The following UBE2N variants were observed in gnomAD, a reference collection of about 807,000 sequenced individuals.
UBE2N encodes ubiquitin-conjugating enzyme E2 N.
For synonymous variants in UBE2N, 70 were observed against 69.2 expected, an observed-to-expected ratio of 1.01 and a Z score of -0.06; for missense variants, 60 against 192.1, an observed-to-expected ratio of 0.31 and a Z score of 4.07.
At chr12:93,410,909 GA>G in intron 2 of UBE2N, 35 bp from the exon 3 acceptor site, 2 of 1,614,012 alleles carry the variant, frequency 1.2e-6, no homozygotes, top group East Asian at 2.2e-5. Flanking sequence ...GATAAAGCAT[GA>G]AAAAAACAGG....
intron 1 of UBE2N, among the ~76,000 whole-genome samples, chr12:93,431,882 AACTC>A (rs1323756618): frequency 1.1e-4 from 16 of 152,088 alleles, no homozygotes; most frequent in African/African-American, 3.6e-4. Context: ...ATGTGCCAAA[AACTC>A]ACTCACACTC....
At chr12:93,434,312 T>G (rs1184030398) in intron 1 of UBE2N, among the ~76,000 whole-genome samples, 1 of 152,130 alleles carries the variant, frequency 6.6e-6, no homozygotes, top group Non-Finnish European at 1.5e-5. Context: ...ACTCTGGTTT[T>G]AAGAGTGGTC....
At chr12:93,410,147 A>C in intron 3 of UBE2N, 68 bp from the exon 4 acceptor site, 1 of 1,450,696 alleles carries the variant, frequency 6.9e-7, no homozygotes, top group Non-Finnish European at 9.6e-7. Context: ...CAAACTATAA[A>C]TGGCAAACAA....
rs553867170 is a variant in UBE2N, at chr12:93,426,574, A to C, written c.31-15275T>G. 2.0e-5 allele frequency among the ~76,000 whole-genome samples: 3 copies of C among 152,228 alleles called. No homozygotes were observed. In the East Asian group the frequency reaches 5.8e-4, roughly 29 times the overall value. Reference sequence around the variant, plus strand: ...GCTAAAAAAACCCTATAAAACCCCTAATCTGACAAGTCTGAAGTCAAGCCA... The same window carrying C: ...GCTAAAAAAACCCTATAAAACCCCTCATCTGACAAGTCTGAAGTCAAGCCA... On this transcript the variant is annotated intron_variant, in intron 1 of 3. Transcript: ENST00000318066.
chr12:93,432,148 C>T (rs1213879533), intron 1 of UBE2N, among the ~76,000 whole-genome samples: 1 of 152,178 alleles, frequency 6.6e-6, no homozygotes, highest in Non-Finnish European at 1.5e-5. Flanking sequence ...AGGAGAATTG[C>T]TTGAACCCGG....
intron 1 of UBE2N, among the ~76,000 whole-genome samples, chr12:93,438,884 T>C (rs73366079): frequency 0.027 from 4,155 of 152,304 alleles, 196 homozygotes; most frequent in African/African-American, 0.095. Context: ...TATTTGTAGT[T>C]AGTCATTTTA....
At chr12:93,413,311 A>G (rs573751174) in intron 1 of UBE2N, among the ~76,000 whole-genome samples, 5 of 151,928 alleles carry the variant, frequency 3.3e-5, no homozygotes, top group East Asian at 1.9e-4. Context: ...GGTTTCTTCT[A>G]TCTCCCAACA....
At chr12:93,438,394 T>C (rs1879000603) in intron 1 of UBE2N, among the ~76,000 whole-genome samples, 1 of 152,102 alleles carries the variant, frequency 6.6e-6, no homozygotes, top group Non-Finnish European at 1.5e-5. Flanking sequence ...ACGGAACAAC[T>C]GGACAAAGCA....
intron 1 of UBE2N, among the ~76,000 whole-genome samples, chr12:93,415,461 C>T (rs1373745882): frequency 1.3e-5 from 2 of 152,160 alleles, no homozygotes; most frequent in Admixed American, 1.3e-4. Flanking sequence ...GAGAAACTGA[C>T]ATGTTCTTTA....
At chr12:93,410,629 A>G in intron 3 of UBE2N, 105 bp downstream of exon 3, 1 of 1,509,514 alleles carries the variant, frequency 6.6e-7, no homozygotes, top group Non-Finnish European at 9.0e-7. Flanking sequence ...CACTTATTAT[A>G]CTTTTTTCTA....
rs982621960 is a variant in UBE2N at position 93,416,840 on chromosome 12, T to C, written c.31-5541A>G. Among the ~76,000 whole-genome samples the C allele has an allele frequency of 1.6e-5, 2 of 126,270 alleles. 1 individual carries two copies. The highest frequency in any genetic ancestry group is 4.7e-4 in the East Asian group (2 of 4,264). 82.8% of individuals were successfully genotyped at this position (126,270 alleles called of 152,430 possible). A position where few individuals can be genotyped will look rare whatever the true frequency, so the allele number is the denominator to read the frequency against. ...TCCAGACCAAGCTGGGCAAGCATAG[T>C]GAGACCCCATCACTACCAAAAAAAA... On this transcript the variant is annotated intron_variant, in intron 1 of 3. Coordinates refer to ENST00000318066, the MANE Select transcript of UBE2N (RefSeq NM_003348.4).
At chr12:93,429,085 C>T (rs1267913347) in intron 1 of UBE2N, among the ~76,000 whole-genome samples, 1 of 152,036 alleles carries the variant, frequency 6.6e-6, no homozygotes, top group Non-Finnish European at 1.5e-5. Context: ...GCCTGACCAA[C>T]ATGGTGAAAC....
At chr12:93,429,283 G>T (rs1200570139) in intron 1 of UBE2N, 3 of 402,048 alleles carry the variant, frequency 7.5e-6, no homozygotes, top group Non-Finnish European at 1.4e-5. Context: ...AAAAAAAAAA[G>T]AAAGAAAGAA....
intron 1 of UBE2N, among the ~76,000 whole-genome samples, chr12:93,416,244 T>TC (rs1197654000): frequency 1.3e-5 from 2 of 152,104 alleles, no homozygotes; most frequent in Non-Finnish European, 2.9e-5. Flanking sequence ...TCTGAAAAAG[T>TC]CTCAACCACA....
intron 1 of UBE2N, among the ~76,000 whole-genome samples, chr12:93,418,134 A>G (rs1352708352): frequency 6.7e-6 from 1 of 149,230 alleles, no homozygotes; most frequent in Non-Finnish European, 1.5e-5. Context: ...TGGCCCAATA[A>G]GTGAGCATTT....
intron 3 of UBE2N, chr12:93,410,443 A>G (rs1313486275): frequency 3.8e-6 from 2 of 525,572 alleles, no homozygotes; most frequent in Admixed American, 7.4e-5. Flanking sequence ...AAACAGTTCA[A>G]GTTTTCCAGT....
At position 93,406,620 on chromosome 12, in the gene UBE2N, G is replaced by A. The variant is rs1877832591; in HGVS notation, c.*3419C>T. On this transcript the variant is annotated 3_prime_UTR_variant, in exon 4 of 4. Coordinates refer to ENST00000318066, the MANE Select transcript of UBE2N (RefSeq NM_003348.4). ...CAGACAAAATATTCCAAAAAACATT[G>A]TGTCTGTAGTCAACATGTATATTTT... 6.6e-6 allele frequency: 1 copy of A among 151,796 alleles called. No homozygotes were observed. Among genetic ancestry groups the A allele is most frequent in the African/African-American group, 2.4e-5 (1 of 41,060 alleles). The allele number at this position is 151,796 out of a possible 1,614,324, so 9.4% of individuals were successfully genotyped here. A position where few individuals can be genotyped will look rare whatever the true frequency, so the allele number is the denominator to read the frequency against.
chr12:93,425,309 T>A (rs1404721243), intron 1 of UBE2N, among the ~76,000 whole-genome samples: 1 of 152,122 alleles, frequency 6.6e-6, no homozygotes, highest in Non-Finnish European at 1.5e-5. Context: ...TCTAGAGAAT[T>A]AGGAAGTAAG....
chr12:93,434,393 A>G (rs1259440290), intron 1 of UBE2N, among the ~76,000 whole-genome samples: 3 of 152,252 alleles, frequency 2.0e-5, no homozygotes, highest in Non-Finnish European at 4.4e-5. Context: ...ACAGTCATTT[A>G]GCACAGTGAA....
Sources: allele counts gnomAD v4.1 joint callset (sites outside exome capture counted in the v4.1 genomes callset), GRCh38; gene constraint gnomAD v4.1.1; transcripts MANE v1.5; gene names NCBI Gene and HGNC (gene_info 2026-07-23, HGNC 2026-07-21).